KCNIP3: variants seen among roughly 807,000 people sequenced by gnomAD.
KCNIP3 encodes calsenilin.
Under a neutral mutation model 35.0 loss-of-function variants are expected in KCNIP3, and 28 were observed. The observed-to-expected ratio is 0.80, with a 90% confidence interval of 0.59 to 1.10. KCNIP3 has a LOEUF of 1.10. KCNIP3 is among the 50% of genes least tolerant of loss of function. The pLI is 0.00. For synonymous variants in KCNIP3, 134 were observed against 133.8 expected (o/e 1.00, Z -0.01); for missense variants, 295 against 338.4 (o/e 0.87, Z 1.01).
At position 95,297,402 on chromosome 2, in the gene KCNIP3, G is replaced by C. The variant is rs1205825266; in HGVS notation, c.-37G>C. The C allele has an allele frequency of 6.4e-7, 1 of 1,564,930 alleles. No individual in the cohort carries two copies. Among genetic ancestry groups the C allele is most frequent in the Non-Finnish European group, 8.7e-7 (1 of 1,155,164 alleles). On this transcript the variant is annotated 5_prime_UTR_variant, in exon 1 of 9. Coordinates refer to ENST00000295225, the MANE Select transcript of KCNIP3 (RefSeq NM_013434.5). The stretch of plus-strand genomic sequence containing the variant: ...CAGTCTTGTCTGCCTCGGCTGTGAA[G>C]TGGGGAGGCTGGCAACAGTTTTCTT...
chr2:95,306,020 G>T (rs764387721), intron 1 of KCNIP3, among the ~76,000 whole-genome samples: 1 of 152,210 alleles, frequency 6.6e-6, no homozygotes, highest in Non-Finnish European at 1.5e-5. Context: ...AAAATACCGT[G>T]GTCGGGCTCT....
intron 2 of KCNIP3, among the ~76,000 whole-genome samples, chr2:95,357,272 C>T (rs1310974725): frequency 6.6e-6 from 1 of 152,220 alleles, no homozygotes; most frequent in African/African-American, 2.4e-5. Flanking sequence ...CCTCCCTTCA[C>T]CCCATGGCAG....
Position 95,340,338 on chromosome 2 carries a change from A to AAAACAAAC in KCNIP3, c.181+29837_181+29844dup, listed in dbSNP as rs3076105. On this transcript the variant is annotated intron_variant, in intron 2 of 8. Transcript: ENST00000295225. The stretch of plus-strand genomic sequence containing the variant: ...GCAAAAAGGGTGAAACTCCATCTCA[A>AAAACAAAC]AAACAAACAAACAAACAAACAAACA... Among the ~76,000 whole-genome samples, 621 of 150,700 alleles carry AAAACAAAC rather than the reference A, an allele frequency of 4.1e-3. 1 individual carries two copies. The highest frequency in any genetic ancestry group is 8.2e-3 in the African/African-American group (336 of 40,970).
At chr2:95,318,924 TATGCTGCCAGAAG>T (rs1678523280) in intron 2 of KCNIP3, among the ~76,000 whole-genome samples, 1 of 152,192 alleles carries the variant, frequency 6.6e-6, no homozygotes, top group Non-Finnish European at 1.5e-5. Flanking sequence ...ACAAGCTGCC[TATGCTGCCAGAAG>T]ATGCTGCCCC....
At chr2:95,333,669 C>T (rs1232255795) in intron 2 of KCNIP3, among the ~76,000 whole-genome samples, 2 of 152,202 alleles carry the variant, frequency 1.3e-5, no homozygotes, top group African/African-American at 4.8e-5. Context: ...GATACTATGT[C>T]AGTGAGTGCC....
chr2:95,348,846 A>G (rs1679443098), intron 2 of KCNIP3, among the ~76,000 whole-genome samples: 1 of 152,108 alleles, frequency 6.6e-6, no homozygotes, highest in African/African-American at 2.4e-5. Flanking sequence ...CACCTTCATA[A>G]ACTGGCTGTA....
chr2:95,355,653 T>A (rs1161311883), intron 2 of KCNIP3, among the ~76,000 whole-genome samples: 6 of 152,246 alleles, frequency 3.9e-5, no homozygotes, highest in Non-Finnish European at 1.5e-5. Flanking sequence ...GCTTCATCCA[T>A]GTCCCTGCAA....
intron 2 of KCNIP3, among the ~76,000 whole-genome samples, chr2:95,333,088 A>G (rs552631509): frequency 6.6e-6 from 1 of 152,340 alleles, no homozygotes; most frequent in Admixed American, 6.5e-5. Flanking sequence ...AAATCACTGT[A>G]GCTCCCCTAC....
At chr2:95,374,798 G>T in intron 3 of KCNIP3, 50 bp from the exon 4 acceptor site, 1 of 1,592,288 alleles carries the variant, frequency 6.3e-7, no homozygotes, top group Non-Finnish European at 8.6e-7. Context: ...GCAGAGTCGG[G>T]CTTGGAGCTG....
chr2:95,380,700 G>A (rs1680315980), intron 5 of KCNIP3, among the ~76,000 whole-genome samples: 1 of 152,206 alleles, frequency 6.6e-6, no homozygotes, highest in Non-Finnish European at 1.5e-5. Flanking sequence ...CACACAGCAT[G>A]TCATGACTCA....
In KCNIP3 at chr2:95,382,312, G is replaced by C; in HGVS notation, c.556-65G>C. ...TGCCCTGCACCCTTGGATGCCGCCC[G>C]CTCCCTTTGGGCCCTCACAGCCACC... On this transcript the variant is annotated intron_variant, in intron 6 of 8. Transcript: ENST00000295225. This position sits in a 1 kb window ranked among gnomAD's most constrained non-coding sequence, Gnocchi z 4.5. 9.3e-7 allele frequency: 1 copy of C among 1,080,262 alleles called. No homozygotes were observed. The allele number at this position is 1,080,262 out of a possible 1,614,324, so 66.9% of individuals were successfully genotyped here. A position where few individuals can be genotyped will look rare whatever the true frequency, so the allele number is the denominator to read the frequency against.
chr2:95,383,397 C>A, intron 8 of KCNIP3, 103 bp downstream of exon 8: 1 of 1,176,526 alleles, frequency 8.5e-7, no homozygotes, highest in Non-Finnish European at 1.2e-6. Flanking sequence ...CCACCCCTGC[C>A]AGTCCAGGAT....
At chr2:95,379,421 GC>G (rs966620006) in intron 5 of KCNIP3, among the ~76,000 whole-genome samples, 4 of 151,722 alleles carry the variant, frequency 2.6e-5, no homozygotes, top group East Asian at 1.9e-4. Flanking sequence ...GCCAGAGGAG[GC>G]CCCCCCACCA....
chr2:95,325,952 CAT>C (rs1338117882), intron 2 of KCNIP3, among the ~76,000 whole-genome samples: 17 of 151,374 alleles, frequency 1.1e-4, no homozygotes, highest in South Asian at 6.3e-4. Context: ...CACACTCACA[CAT>C]ACACACACTC....
chr2:95,349,283 C>T (rs1364988598), intron 2 of KCNIP3, among the ~76,000 whole-genome samples: 1 of 152,094 alleles, frequency 6.6e-6, no homozygotes, highest in Non-Finnish European at 1.5e-5. Context: ...CACTGGGGGC[C>T]GGAAGGGGAC....
chr2:95,355,154 C>T (rs929089683), intron 2 of KCNIP3: 4 of 152,154 alleles, frequency 2.6e-5, no homozygotes, highest in Non-Finnish European at 5.9e-5. Flanking sequence ...TGGGGACCAC[C>T]GGAGATGGTT....
At chr2:95,372,213 A>G (rs1459992221) in intron 2 of KCNIP3, among the ~76,000 whole-genome samples, 1 of 152,070 alleles carries the variant, frequency 6.6e-6, no homozygotes, top group Non-Finnish European at 1.5e-5. Context: ...CTTACCATCC[A>G]TCCATCCATC....
rs1680186160 is a variant in KCNIP3 at position 95,376,358 on chromosome 2, T to A, written c.447+1150T>A. Among the ~76,000 whole-genome samples, 1 of 152,146 alleles carries A rather than the reference T, an allele frequency of 6.6e-6. No individual in the cohort carries two copies. Among genetic ancestry groups the A allele is most frequent in the Non-Finnish European group, 1.5e-5 (1 of 68,006 alleles). The stretch of plus-strand genomic sequence containing the variant: ...GCGAGTGGTTTTTCTTGTTCAGGAA[T>A]GAGATGACTGAGAGGCTCGGCAGAG... On this transcript the variant is annotated intron_variant, in intron 5 of 8. Transcript: ENST00000295225. The surrounding 1 kb of genome is among the most constrained non-coding windows in gnomAD (Gnocchi z 4.2).
chr2:95,297,360 C>T lies in KCNIP3; in HGVS notation c.-79C>T. On this transcript the variant is annotated 5_prime_UTR_variant, in exon 1 of 9. Transcript: ENST00000295225. ...CTGGGTCCAAGCAAACATGAGGCAG[C>T]TGCCAGCCGGCCTGGGCAGTCTTGT... The T allele has an allele frequency of 8.3e-6, 12 of 1,447,456 alleles. No individual in the cohort carries two copies. The highest frequency in any genetic ancestry group is 1.1e-5 in the Non-Finnish European group (12 of 1,054,850). The allele number at this position is 1,447,456 out of a possible 1,614,324, so 89.7% of individuals were successfully genotyped here.
Sources: allele counts gnomAD v4.1 joint callset (sites outside exome capture counted in the v4.1 genomes callset), GRCh38; gene constraint gnomAD v4.1.1; non-coding constraint Gnocchi (gnomAD v3.1); transcripts MANE v1.5; gene names NCBI Gene and HGNC (gene_info 2026-07-23, HGNC 2026-07-21).